Variants in CPNE4 observed in about 807,000 individuals in gnomAD.
CPNE4 encodes the protein copine 4, also known as copine-4.
A neutral mutation model predicts 67.9 loss-of-function variants in CPNE4; 25 were observed. The ratio of observed to expected loss-of-function variants is 0.37; its 90% CI spans 0.27 to 0.51. The LOEUF is 0.51. CPNE4 is among the 20% of genes least tolerant of loss of function. The pLI is 0.93. For synonymous variants in CPNE4, 242 were observed against 244.9 expected, an observed-to-expected ratio of 0.99 and a Z score of 0.11; for missense variants, 464 against 690.8, an observed-to-expected ratio of 0.67 and a Z score of 3.68.
intron 10 of CPNE4, among the ~76,000 whole-genome samples, chr3:131,571,149 A>C (rs942052952): frequency 4.6e-5 from 7 of 151,974 alleles, no homozygotes; most frequent in Admixed American, 4.6e-4. Flanking sequence ...TCTCTTTAGC[A>C]TGCAAGATTG....
intron 2 of CPNE4, among the ~76,000 whole-genome samples, chr3:131,738,676 A>C (rs544973335): frequency 6.6e-6 from 1 of 151,926 alleles, no homozygotes; most frequent in South Asian, 2.1e-4. Flanking sequence ...ATAGCCAGAG[A>C]CTGGATAGTT....
chr3:131,836,407 C>T (rs2085558519), intron 2 of CPNE4, among the ~76,000 whole-genome samples: 1 of 152,006 alleles, frequency 6.6e-6, no homozygotes, highest in Non-Finnish European at 1.5e-5. Context: ...AATTTAACAC[C>T]CATTTGTGCT....
chr3:131,724,971 A>G (rs564501214), intron 2 of CPNE4, among the ~76,000 whole-genome samples: 1 of 152,336 alleles, frequency 6.6e-6, no homozygotes, highest in African/African-American at 2.4e-5. Context: ...AAGATTCTAT[A>G]GCATCCCTGT....
intron 4 of CPNE4, 75 bp downstream of exon 4, chr3:131,699,834 G>A: frequency 1.8e-6 from 2 of 1,142,610 alleles, no homozygotes; most frequent in Non-Finnish European, 2.6e-6. Flanking sequence ...TGCTTCCCAA[G>A]TGTCTGGTTT....
intron 2 of CPNE4, among the ~76,000 whole-genome samples, chr3:131,863,033 T>C (rs1367546076): frequency 6.6e-6 from 1 of 151,832 alleles, no homozygotes; most frequent in Non-Finnish European, 1.5e-5. Context: ...ACAAAAGACA[T>C]GAACTCATCA....
intron 2 of CPNE4, among the ~76,000 whole-genome samples, chr3:131,809,582 C>T (rs2084448026): frequency 6.6e-6 from 1 of 152,144 alleles, no homozygotes; most frequent in East Asian, 1.9e-4. Flanking sequence ...TCAAACACAA[C>T]TGTGTGGTAA....
At chr3:131,602,292 C>A (rs1378573073) in intron 7 of CPNE4, among the ~76,000 whole-genome samples, 1 of 152,118 alleles carries the variant, frequency 6.6e-6, no homozygotes, top group Non-Finnish European at 1.5e-5. Context: ...GAAAACCCAT[C>A]CATAGAGAGA....
At chr3:131,971,128 G>C (rs756425353) in intron 1 of CPNE4, among the ~76,000 whole-genome samples, 5 of 152,142 alleles carry the variant, frequency 3.3e-5, no homozygotes, top group African/African-American at 4.8e-5. Context: ...TGACGCCGTG[G>C]GGACAACATC....
intron 2 of CPNE4, among the ~76,000 whole-genome samples, chr3:131,864,447 TA>T (rs1190079050): frequency 6.6e-6 from 1 of 152,208 alleles, no homozygotes; most frequent in Admixed American, 6.5e-5. Flanking sequence ...GATTCCTAGT[TA>T]TTTTTTTTTC....
intron 1 of CPNE4, among the ~76,000 whole-genome samples, chr3:132,020,065 T>G (rs751957844): frequency 6.6e-6 from 1 of 152,190 alleles, no homozygotes; most frequent in Non-Finnish European, 1.5e-5. Flanking sequence ...ATCATGCCAG[T>G]GTCAGTCCCA....
intron 1 of CPNE4, among the ~76,000 whole-genome samples, chr3:131,978,088 AATAT>A (rs1336301077): frequency 3.8e-5 from 1 of 26,528 alleles, no homozygotes; most frequent in Non-Finnish European, 5.9e-5. Context: ...AATATATATA[AATAT>A]ATATATAAAT....
At chr3:132,018,679 A>G (rs550506243) in intron 1 of CPNE4, among the ~76,000 whole-genome samples, 6 of 152,226 alleles carry the variant, frequency 3.9e-5, no homozygotes, top group African/African-American at 1.2e-4. Flanking sequence ...CTCTACATTA[A>G]AGCAAACCAG....
At chr3:131,918,951 T>C (rs543905895) in intron 1 of CPNE4, among the ~76,000 whole-genome samples, 1 of 152,244 alleles carries the variant, frequency 6.6e-6, no homozygotes, top group East Asian at 1.9e-4. Flanking sequence ...GAATATTTTA[T>C]TTACTATGAA....
chr3:131,786,075 G>C lies in CPNE4; in HGVS notation c.181-62450C>G, dbSNP rs181435494. The stretch of plus-strand genomic sequence containing the variant: ...GCCTCTTCTCTTGTTTTACATGAAG[G>C]TAGGCATTGGTTAAAGCACCAGCTC... On this transcript the variant is annotated intron_variant, in intron 2 of 15. Transcript: ENST00000429747. Among the ~76,000 whole-genome samples the C allele has an allele frequency of 3.3e-5, 5 of 152,064 alleles. No individual in the cohort carries two copies. The East Asian group carries it at 9.7e-4, about 29-fold the overall frequency.
At chr3:131,904,512 T>C (rs1380565473) in intron 2 of CPNE4, among the ~76,000 whole-genome samples, 1 of 152,090 alleles carries the variant, frequency 6.6e-6, no homozygotes, top group African/African-American at 2.4e-5. Flanking sequence ...TGTTTCTCTA[T>C]AGATCTACGA....
chr3:131,649,159 G>A (rs2079743534), intron 7 of CPNE4, among the ~76,000 whole-genome samples: 1 of 152,192 alleles, frequency 6.6e-6, no homozygotes, highest in Non-Finnish European at 1.5e-5. Flanking sequence ...AGAATGAAAG[G>A]AAAGTCATAT....
At chr3:131,646,804 G>A (rs2107616863) in intron 7 of CPNE4, among the ~76,000 whole-genome samples, 1 of 152,336 alleles carries the variant, frequency 6.6e-6, no homozygotes, top group African/African-American at 2.4e-5. Flanking sequence ...ACATAAGCAT[G>A]TCAGGATGAG....
At chr3:131,629,422 CTT>C (rs762942312) in intron 7 of CPNE4, among the ~76,000 whole-genome samples, 2 of 151,902 alleles carry the variant, frequency 1.3e-5, no homozygotes, top group Non-Finnish European at 2.9e-5. Flanking sequence ...CTATTGCACA[CTT>C]AATAAAGAAC....
In CPNE4 at chr3:131,850,268, T is replaced by C. The variant is rs555573789; in HGVS notation, c.180+54996A>G. On this transcript the variant is annotated intron_variant, in intron 2 of 15. Coordinates refer to ENST00000429747, the MANE Select transcript of CPNE4 (RefSeq NM_130808.3). ...GTTTTTGATGTAGGGTTATGACATC[T>C]CCAGAAAAAGTGTACCTTCTCCTAT... 1.1e-4 allele frequency among the ~76,000 whole-genome samples: 16 copies of C among 152,210 alleles called. No individual in the cohort carries two copies. The East Asian group carries it at 3.1e-3, about 29-fold the overall frequency.
Sources: gnomAD v4.1 joint callset for allele counts (sites outside exome capture counted in the v4.1 genomes callset) on GRCh38, gnomAD v4.1.1 for gene constraint, MANE v1.5 for transcripts, NCBI Gene and HGNC (gene_info 2026-07-23, HGNC 2026-07-21) for gene names.